Variants in PRKN observed in about 807,000 individuals in gnomAD.
PRKN encodes parkin RBR E3 ubiquitin protein ligase, also known as E3 ubiquitin-protein ligase parkin.
PRKN carries 56 observed loss-of-function variants against 59.5 expected under a neutral mutation model. The ratio of observed to expected loss-of-function variants is 0.94; its 90% CI spans 0.76 to 1.18. The LOEUF is 1.18. Among genes scored for constraint, PRKN ranks in the 50% most tolerant of loss-of-function variants. The pLI is 0.00. For synonymous variants in PRKN, 250 were observed against 222.1 expected (o/e 1.13, Z -1.12); for missense variants, 657 against 596.4 (o/e 1.10, Z -1.06).
chr6:162,569,466 G>C (rs1395895454), intron 1 of PRKN: 13 of 688,926 alleles, frequency 1.9e-5, no homozygotes, highest in Non-Finnish European at 3.6e-5. Context: ...CTGCTGGAGA[G>C]TGAGGAGAGC....
chr6:161,372,106 T>A lies in PRKN; in HGVS notation c.1168-11901A>T, dbSNP rs1002250557. ...AATATCTATCAACCTATTTTGAGAT[T>A]AATGGGGGAAATGGAACAACATAAA... On this transcript the variant is annotated intron_variant, in intron 10 of 11. Transcript: ENST00000366898. This position sits in a 1 kb window ranked among gnomAD's most constrained non-coding sequence, Gnocchi z 4.2. Among the ~76,000 whole-genome samples the A allele has an allele frequency of 6.6e-6, 1 of 152,212 alleles. No homozygotes were observed. The highest frequency in any genetic ancestry group is 2.4e-5 in the African/African-American group (1 of 41,448).
At chr6:162,476,242 A>T (rs539276931) in intron 1 of PRKN, among the ~76,000 whole-genome samples, 1 of 151,244 alleles carries the variant, frequency 6.6e-6, no homozygotes, top group African/African-American at 2.4e-5. Flanking sequence ...TTATTTATTT[A>T]TGTATTTTTA....
At chr6:161,989,788 G>A (rs561615203) in intron 5 of PRKN, among the ~76,000 whole-genome samples, 4 of 152,158 alleles carry the variant, frequency 2.6e-5, no homozygotes, top group South Asian at 2.1e-4. Flanking sequence ...TCAGCCTGCC[G>A]GTGCCCACAT....
intron 1 of PRKN, among the ~76,000 whole-genome samples, chr6:162,453,189 C>A (rs1370374447): frequency 6.6e-6 from 1 of 152,070 alleles, no homozygotes; most frequent in Non-Finnish European, 1.5e-5. Flanking sequence ...ATGAGGACTT[C>A]CTACCCTCCT....
intron 1 of PRKN, among the ~76,000 whole-genome samples, chr6:162,678,829 C>T (rs1049673041): frequency 2.0e-5 from 3 of 152,184 alleles, no homozygotes; most frequent in Admixed American, 6.5e-5. Context: ...GGCTAGAATG[C>T]AGTGGTGCGA....
intron 9 of PRKN, among the ~76,000 whole-genome samples, chr6:161,455,913 A>C (rs2115141761): frequency 6.6e-6 from 1 of 152,222 alleles, no homozygotes; most frequent in South Asian, 2.1e-4. Flanking sequence ...ATATACACAT[A>C]CTTTAACTCA....
intron 4 of PRKN, among the ~76,000 whole-genome samples, chr6:162,133,951 A>T (rs1319906341): frequency 2.0e-5 from 3 of 152,124 alleles, no homozygotes; most frequent in Non-Finnish European, 2.9e-5. Context: ...AAAGAAAGAG[A>T]GAATTTGGGT....
At chr6:162,438,878 C>A (rs1416169834) in intron 2 of PRKN, among the ~76,000 whole-genome samples, 1 of 152,158 alleles carries the variant, frequency 6.6e-6, no homozygotes, top group Non-Finnish European at 1.5e-5. Context: ...TGAGCATTTG[C>A]CCACCATTAT....
At chr6:161,761,833 G>A (rs947265928) in intron 7 of PRKN, among the ~76,000 whole-genome samples, 2 of 152,174 alleles carry the variant, frequency 1.3e-5, no homozygotes, top group African/African-American at 2.4e-5. Flanking sequence ...AAGATTTGAA[G>A]GTTTTTCCCA....
intron 3 of PRKN, among the ~76,000 whole-genome samples, chr6:162,207,200 T>G (rs1035965591): frequency 5.3e-5 from 8 of 151,962 alleles, no homozygotes; most frequent in African/African-American, 1.9e-4. Context: ...ATGAAACCCC[T>G]TCTCTATTAA....
intron 3 of PRKN, among the ~76,000 whole-genome samples, chr6:162,227,911 T>C (rs1046631383): frequency 2.0e-5 from 3 of 151,014 alleles, no homozygotes; most frequent in African/African-American, 7.4e-5. Context: ...GGATGTTGTA[T>C]TTTAAAAACC....
intron 1 of PRKN, among the ~76,000 whole-genome samples, chr6:162,443,949 C>T (rs1225727587): frequency 6.6e-6 from 1 of 152,178 alleles, no homozygotes; most frequent in East Asian, 1.9e-4. Flanking sequence ...AAGACCCACT[C>T]GGGGCTATGG....
chr6:161,848,055 G>C (rs977259317), intron 6 of PRKN, among the ~76,000 whole-genome samples: 2 of 152,182 alleles, frequency 1.3e-5, no homozygotes, highest in African/African-American at 4.8e-5. Context: ...GATACCAAAA[G>C]AGACTGGAAT....
In PRKN at chr6:161,576,540, AT is replaced by A. The variant is rs1240915740; in HGVS notation, c.872-7125del. The stretch of plus-strand genomic sequence containing the variant: ...AGATAAAATCATTCAACAAATAGCC[AT>A]TGTGCACCCACTTTGTGCCAGGCAC... On this transcript the variant is annotated intron_variant, in intron 7 of 11. Coordinates refer to ENST00000366898, the MANE Select transcript of PRKN (RefSeq NM_004562.3). This position sits in a 1 kb window ranked among gnomAD's most constrained non-coding sequence, Gnocchi z 4.6. Among the ~76,000 whole-genome samples, 1 of 152,264 alleles carries A rather than the reference AT, an allele frequency of 6.6e-6. No individual in the cohort carries two copies. Among genetic ancestry groups the A allele is most frequent in the Non-Finnish European group, 1.5e-5 (1 of 68,048 alleles).
chr6:162,222,342 A>C (rs1345321957), intron 3 of PRKN, among the ~76,000 whole-genome samples: 1 of 152,196 alleles, frequency 6.6e-6, no homozygotes, highest in African/African-American at 2.4e-5. Flanking sequence ...GGCCTGACCC[A>C]ATCAGAGAAG....
intron 1 of PRKN, among the ~76,000 whole-genome samples, chr6:162,628,402 A>G (rs2849508): frequency 0.53 from 80,976 of 151,948 alleles, 22,376 homozygotes; most frequent in African/African-American, 0.64. Context: ...TTCAATGTGT[A>G]CCAGATGTTT....
intron 4 of PRKN, among the ~76,000 whole-genome samples, chr6:162,193,448 C>T (rs1037030760): frequency 1.3e-5 from 2 of 152,174 alleles, no homozygotes; most frequent in Non-Finnish European, 2.9e-5. Flanking sequence ...AATACTTACT[C>T]AGTCCACCTT....
In PRKN at chr6:162,362,077, C is replaced by T. The variant is rs145323975; in HGVS notation, c.171+81233G>A. The stretch of plus-strand genomic sequence containing the variant: ...ATGTTTAAAAGTAAAAGATCCCAAA[C>T]ATTTTGCCAAATATGCAGTGTTCCA... On this transcript the variant is annotated intron_variant, in intron 2 of 11. Coordinates refer to ENST00000366898, the MANE Select transcript of PRKN (RefSeq NM_004562.3). Among the ~76,000 whole-genome samples the T allele has an allele frequency of 2.7e-3, 410 of 152,238 alleles. 1 individual carries two copies. The highest frequency in any genetic ancestry group is 8.8e-3 in the African/African-American group (367 of 41,550).
rs1418586900 is a variant in PRKN at position 161,957,512 on chromosome 6, C to T, written c.734+15790G>A. ...CAATGTTGGCTAACTGCAACCTCCA[C>T]CTCCTGCGTTCAAGCGATCCTCCTG... On this transcript the variant is annotated intron_variant, in intron 6 of 11. Transcript: ENST00000366898. 2.0e-5 allele frequency among the ~76,000 whole-genome samples: 3 copies of T among 151,202 alleles called. No homozygotes were observed. The East Asian group carries it at 5.9e-4, about 30-fold the overall frequency.
Sources: allele counts gnomAD v4.1 joint callset (sites outside exome capture counted in the v4.1 genomes callset), GRCh38; gene constraint gnomAD v4.1.1; non-coding constraint Gnocchi (gnomAD v3.1); transcripts MANE v1.5; gene names NCBI Gene and HGNC (gene_info 2026-07-23, HGNC 2026-07-21).